The following COG8 variants were observed in gnomAD, a reference collection of about 807,000 sequenced individuals.
COG8 encodes conserved oligomeric Golgi complex subunit 8.
A neutral mutation model predicts 46.5 loss-of-function variants in COG8; 45 were observed. That is an observed-to-expected ratio of 0.97 (90% CI 0.76 to 1.24). The LOEUF (loss-of-function observed/expected upper bound fraction) is 1.24, where lower values mean the gene tolerates loss of function less well. COG8 is among the 50% of genes most tolerant of loss of function. COG8 has a pLI of 0.00. For synonymous variants in COG8, 407 were observed against 347.8 expected, an observed-to-expected ratio of 1.17 and a Z score of -1.90; for missense variants, 793 against 820.8, an observed-to-expected ratio of 0.97 and a Z score of 0.41.
At position 69,332,732 on chromosome 16, in the gene COG8, G is replaced by A. The variant is rs764087834; in HGVS notation, c.1564C>T (p.Gln522Ter). The A allele has an allele frequency of 1.2e-6, 2 of 1,614,158 alleles. No homozygotes were observed. Among genetic ancestry groups the A allele is most frequent in the South Asian group, 1.1e-5 (1 of 91,084 alleles). Residue 522 changes from glutamine (Q) to a stop codon, truncating the protein, a stop_gained, in exon 4 of 6, where the codon CAG becomes TAG. Coordinates refer to ENST00000306875, the MANE Select transcript of COG8 (RefSeq NM_032382.5). LOFTEE classifies it high-confidence loss of function. ...CTCTTACCTAAAGTCTGTGCTATCTGAGCTGGTGGAAAAAGGACTTGGAGA... is the reference window on the plus strand; with the variant it reads ...CTCTTACCTAAAGTCTGTGCTATCTAAGCTGGTGGAAAAAGGACTTGGAGA... Reference protein sequence around the residue: ...RCLQVLFPPAQIAQTLGIPPT... With the variant: ...RCLQVLFPPA
intron 5 of COG8, 124 bp downstream of exon 5, chr16:69,330,689 G>T (rs1461602230): frequency 7.2e-7 from 1 of 1,395,584 alleles, no homozygotes; most frequent in Non-Finnish European, 9.3e-7. Context: ...TTCCTGCTTA[G>T]ACTGGCAGTG....
chr16:69,332,556 G>T, intron 4 of COG8, 158 bp downstream of exon 4: 2 of 765,862 alleles, frequency 2.6e-6, no homozygotes, highest in Non-Finnish European at 4.5e-6. Flanking sequence ...GTCGAGGAAT[G>T]ACTACAAACG....
chr16:69,330,388 T>G, intron 5 of COG8: 1 of 1,479,154 alleles, frequency 6.8e-7, no homozygotes, highest in Non-Finnish European at 8.9e-7. Flanking sequence ...AGAACGGCGG[T>G]TCGGGAGGAC....
chr16:69,326,796 C>T lies in COG8; in HGVS notation c.*2410G>A, dbSNP rs1193232131. ...GATTCTGTTATAAACCTTCTGCCTACATTGGCTTTCACTGTGGAAGTTGAT... is the reference window on the plus strand; with the variant it reads ...GATTCTGTTATAAACCTTCTGCCTATATTGGCTTTCACTGTGGAAGTTGAT... On this transcript the variant is annotated 3_prime_UTR_variant, in exon 6 of 6. Coordinates refer to ENST00000306875, the MANE Select transcript of COG8 (RefSeq NM_032382.5). The T allele has an allele frequency of 6.6e-6, 1 of 152,244 alleles. No individual in the cohort carries two copies. Among genetic ancestry groups the T allele is most frequent in the Non-Finnish European group, 1.5e-5 (1 of 68,036 alleles). 9.4% of individuals were successfully genotyped at this position (152,244 alleles called of 1,614,324 possible). A position where few individuals can be genotyped will look rare whatever the true frequency, so the allele number is the denominator to read the frequency against.
Position 69,330,027 on chromosome 16 carries a change from C to T in COG8, c.*26+786G>A, listed in dbSNP as rs2011651534. On this transcript the variant is annotated intron_variant, in intron 5 of 5. Coordinates refer to ENST00000306875, the MANE Select transcript of COG8 (RefSeq NM_032382.5). ...ATCTGCACCGCCTGGAAGCGGGGCA[C>T]GCAGGCCAGGAAGCCGGCGACGCTC... 3.2e-6 allele frequency: 5 copies of T among 1,542,698 alleles called. No homozygotes were observed. The highest frequency in any genetic ancestry group is 1.7e-4 in the Middle Eastern group (1 of 5,844).
chr16:69,332,714 C>T lies in COG8; in HGVS notation c.1582G>A (p.Gly528Ser), dbSNP rs760985243. Residue 528 changes from glycine (G) to serine (S), a missense_variant and splice_region_variant, in exon 4 of 6, where the codon GGC becomes AGC. Transcript: ENST00000306875. ...FPPAQIAQTLGIPPTQLSKYG... is the reference protein window; with the variant it reads ...FPPAQIAQTLSIPPTQLSKYG... ...GTTTACAGAATTTTCATTCTCTTAC[C>T]TAAAGTCTGTGCTATCTGAGCTGGT... 1.2e-6 allele frequency: 2 copies of T among 1,613,548 alleles called. No individual in the cohort carries two copies. Among genetic ancestry groups the T allele is most frequent in the South Asian group, 1.1e-5 (1 of 91,072 alleles).
chr16:69,334,400 AACC>A (rs1205787512), intron 3 of COG8, 118 bp downstream of exon 3: 6 of 925,830 alleles, frequency 6.5e-6, no homozygotes, highest in Non-Finnish European at 1.0e-5. Context: ...GAACCTCCAA[AACC>A]ACACTAGACC....
At chr16:69,335,802 C>T (rs1466285892) in intron 2 of COG8, among the ~76,000 whole-genome samples, 6 of 145,502 alleles carry the variant, frequency 4.1e-5, no homozygotes, top group African/African-American at 1.0e-4. Flanking sequence ...GGGGACAGAG[C>T]GAGACTCTGT....
At chr16:69,334,438 A>G in intron 3 of COG8, 83 bp downstream of exon 3, 1 of 1,212,104 alleles carries the variant, frequency 8.3e-7, no homozygotes, top group East Asian at 2.5e-5. Flanking sequence ...GACACCGTCA[A>G]ATAGACGGGT....
At position 69,339,283 on chromosome 16, in the gene COG8, G is replaced by C; in HGVS notation, c.270C>G (p.Phe90Leu). 1 of 1,612,484 alleles carries C rather than the reference G, an allele frequency of 6.2e-7. No homozygotes were observed. Among genetic ancestry groups the C allele is most frequent in the Non-Finnish European group, 8.5e-7 (1 of 1,179,736 alleles). ...GCTCGGTGCACTCGGCGCCGCGGATGAAGGTCTTGTAGTTAGCGAAGGCCA... is the reference window on the plus strand; with the variant it reads ...GCTCGGTGCACTCGGCGCCGCGGATCAAGGTCTTGTAGTTAGCGAAGGCCA... ...RDLAFANYKT[F>L]IRGAECTERI... Residue 90 changes from phenylalanine to leucine, a missense_variant, in exon 1 of 6, where the codon TTC (phenylalanine) becomes TTG (leucine). Coordinates refer to ENST00000306875, the MANE Select transcript of COG8 (RefSeq NM_032382.5).
At chr16:69,338,036 TTTC>T (rs1322705097) in intron 1 of COG8, among the ~76,000 whole-genome samples, 1 of 151,042 alleles carries the variant, frequency 6.6e-6, no homozygotes, top group African/African-American at 2.4e-5. Flanking sequence ...CCAGCCTTTT[TTTC>T]TTTTTTTAAG....
intron 5 of COG8, 86 bp downstream of exon 5, chr16:69,330,727 G>C (rs1173648697): frequency 2.8e-6 from 4 of 1,420,504 alleles, no homozygotes; most frequent in Non-Finnish European, 2.8e-6. Flanking sequence ...CTCTCCTCCC[G>C]GGAGCGCCTT....
rs1257433565 is a variant in COG8, at chr16:69,330,915, A to G, written c.1763T>C (p.Leu588Pro). 3.9e-6 allele frequency: 6 copies of G among 1,556,834 alleles called. No homozygotes were observed. The Admixed American group carries it at 1.2e-4, about 30-fold the overall frequency. ...CGGGCAGGCTGGGCCCGCGGGCTCC[A>G]GGCGTGGCTCCTCGGCGGGAGGCTC... ...APEPPAEEPR[L>P]EPAGPACPEG... The change falls in exon 5 of 6, where the codon CTG (leucine) becomes CCG (proline). Residue 588 changes from leucine (L) to proline (P), a missense_variant. Leu to Pro is a moderately conservative substitution (Grantham distance 98, BLOSUM62 -3). Transcript: ENST00000306875.
Position 69,332,715 on chromosome 16 carries a change from T to C in COG8, c.1581A>G (p.Leu527=), listed in dbSNP as rs766441556. ...LFPPAQIAQT[L]GIPPTQLSKY... ...TTTACAGAATTTTCATTCTCTTACCTAAAGTCTGTGCTATCTGAGCTGGTG... is the reference window on the plus strand; with the variant it reads ...TTTACAGAATTTTCATTCTCTTACCCAAAGTCTGTGCTATCTGAGCTGGTG... Residue 527 remains leucine, a splice_region_variant and synonymous_variant, in exon 4 of 6, where the codon TTA becomes TTG. Transcript: ENST00000306875. 1 of 1,613,614 alleles carries C rather than the reference T, an allele frequency of 6.2e-7. No individual in the cohort carries two copies. The highest frequency in any genetic ancestry group is 1.7e-5 in the Admixed American group (1 of 60,038).
chr16:69,330,837 G>A lies in COG8; in HGVS notation c.*2C>T, dbSNP rs1162915210. ...CCGCGTTCTGGAGGCAGGGGACGCCGGCTAGGGCCCCACGCTGGGCGGTTC... is the reference window on the plus strand; with the variant it reads ...CCGCGTTCTGGAGGCAGGGGACGCCAGCTAGGGCCCCACGCTGGGCGGTTC... On this transcript the variant is annotated 3_prime_UTR_variant, in exon 5 of 6. Transcript: ENST00000306875. 9 of 1,535,990 alleles carry A rather than the reference G, an allele frequency of 5.9e-6. No individual in the cohort carries two copies. The South Asian group carries it at 6.0e-5, about 10-fold the overall frequency.
intron 1 of COG8, chr16:69,338,688 A>G (rs2012346305): frequency 6.3e-6 from 1 of 159,216 alleles, no homozygotes; most frequent in African/African-American, 2.4e-5. Context: ...ACTTGCTCAT[A>G]TGTAAAATGG....
intron 5 of COG8, 48 bp from the exon 6 acceptor site, chr16:69,329,227 T>C: frequency 6.6e-7 from 1 of 1,515,046 alleles, no homozygotes; most frequent in Non-Finnish European, 8.8e-7. Flanking sequence ...CTGAACTGCA[T>C]CATCCTCAAC....
rs200109346 is a variant in COG8, at chr16:69,335,227, T to A, written c.707A>T (p.Asp236Val). The stretch of plus-strand genomic sequence containing the variant: ...CCTCAACTCAGCCTCAGTGAAGACG[T>A]CCATGCGCCGCAGGTAGCCAATGAC... ...LRVIGYLRRM[D>V]VFTEAELRVK... The change falls in exon 3 of 6, where the codon GAC (aspartate) becomes GTC (valine). Residue 236 changes from aspartate to valine, a missense_variant. By Grantham distance (152) the Asp-to-Val change is radical. Coordinates refer to ENST00000306875, the MANE Select transcript of COG8 (RefSeq NM_032382.5). 1 of 1,614,048 alleles carries A rather than the reference T, an allele frequency of 6.2e-7. No homozygotes were observed. The highest frequency in any genetic ancestry group is 1.7e-5 in the Admixed American group (1 of 60,010).
At chr16:69,335,432 A>C in intron 2 of COG8, 84 bp from the exon 3 acceptor site, 1 of 1,117,846 alleles carries the variant, frequency 8.9e-7, no homozygotes, top group South Asian at 1.3e-5. Context: ...ACTGCAGACC[A>C]ACATTCCCAT....
Sources: gnomAD v4.1 joint callset for allele counts (sites outside exome capture counted in the v4.1 genomes callset) on GRCh38, gnomAD v4.1.1 for gene constraint, MANE v1.5 for transcripts, NCBI Gene and HGNC (gene_info 2026-07-23, HGNC 2026-07-21) for gene names.